GFPT2: variants seen among roughly 807,000 people sequenced by gnomAD.
GFPT2 encodes glutamine--fructose-6-phosphate aminotransferase [isomerizing] 2.
GFPT2 carries 62 observed loss-of-function variants against 85.6 expected under a neutral mutation model. The observed-to-expected ratio is 0.72, with a 90% CI of 0.59 to 0.90. GFPT2 has a LOEUF of 0.90. GFPT2 is among the 40% of genes least tolerant of loss of function. GFPT2 has a pLI of 0.00. For missense variants in GFPT2, 788 were observed against 893.4 expected, an observed-to-expected ratio of 0.88 and a Z score of 1.50; for synonymous variants, 368 against 344.5, an observed-to-expected ratio of 1.07 and a Z score of -0.75.
chr5:180,311,201 T>TA (rs147684246), intron 15 of GFPT2, among the ~76,000 whole-genome samples: 57 of 152,290 alleles, frequency 3.7e-4, no homozygotes, highest in East Asian at 3.5e-3. Flanking sequence ...AGAAGCCCCA[T>TA]GATGTCCTGT....
intron 2 of GFPT2, among the ~76,000 whole-genome samples, chr5:180,337,299 A>T (rs1486782761): frequency 6.6e-6 from 1 of 152,116 alleles, no homozygotes; most frequent in Non-Finnish European, 1.5e-5. Flanking sequence ...CTAAAAGTAC[A>T]AAAATTAGCA....
intron 10 of GFPT2, among the ~76,000 whole-genome samples, chr5:180,317,790 C>A (rs796934336): frequency 3.8e-4 from 57 of 151,370 alleles, no homozygotes; most frequent in African/African-American, 1.3e-3. Flanking sequence ...TTTCCAGCCA[C>A]ACAGGCATTT....
At chr5:180,307,658 C>T (rs1439272013) in intron 15 of GFPT2, among the ~76,000 whole-genome samples, 1 of 152,212 alleles carries the variant, frequency 6.6e-6, no homozygotes, top group African/African-American at 2.4e-5. Context: ...CCTGCTGTGT[C>T]TCAAGACAAG....
At position 180,338,747 on chromosome 5, in the gene GFPT2, A is replaced by G. The variant is rs140374863; in HGVS notation, c.8-147T>C. On this transcript the variant is annotated intron_variant, in intron 1 of 18. Transcript: ENST00000253778. ...GTATGCCCCTCCCTGAGCACAGCTG[A>G]AGAACGGTGCACCCCTTCTTCCTCC... is the stretch of plus-strand genomic sequence containing the variant. 319 of 586,220 alleles carry G rather than the reference A, an allele frequency of 5.4e-4. No homozygotes were observed. The African/African-American group carries it at 5.6e-3, about 10-fold the overall frequency. 36.3% of individuals were successfully genotyped at this position (586,220 alleles called of 1,614,324 possible).
chr5:180,330,119 G>A lies in GFPT2; in HGVS notation c.534+581C>T, dbSNP rs1429959272. Among the ~76,000 whole-genome samples the A allele has an allele frequency of 2.0e-5, 3 of 152,148 alleles. No homozygotes were observed. Among genetic ancestry groups the A allele is most frequent in the South Asian group, 2.1e-4 (1 of 4,832 alleles). ...GTGGATCACTTAAAGTCAGGAGTTC[G>A]AGACCAGCCTGGTCAACATAGTGAA... On this transcript the variant is annotated intron_variant, in intron 6 of 18. Transcript: ENST00000253778. The surrounding 1 kb of genome is among the most constrained non-coding windows in gnomAD (Gnocchi z 4.4).
intron 1 of GFPT2, among the ~76,000 whole-genome samples, chr5:180,351,491 CTT>C (rs568908829): frequency 1.7e-4 from 26 of 152,182 alleles, no homozygotes; most frequent in Admixed American, 8.5e-4. Flanking sequence ...AGCACGCACT[CTT>C]TGATTCTGGC....
Position 180,302,463 on chromosome 5 carries a change from T to A in GFPT2, c.1964A>T (p.Gln655Leu). ...LQGILSVIPLQLLSFHLAVLR... is the reference protein window; with the variant it reads ...LQGILSVIPLLLLSFHLAVLR... ...AACAGCCAGGTGGAAGGACAGCAGC[T>A]GCAGCGGAATCACGCTCAGGATGCC... Residue 655 changes from glutamine (Q) to leucine (L), a missense_variant, in exon 18 of 19, where the codon CAG becomes CTG. Gln to Leu is a moderately radical substitution (Grantham distance 113). Transcript: ENST00000253778. 6.2e-7 allele frequency: 1 copy of A among 1,614,154 alleles called. No homozygotes were observed. The highest frequency in any genetic ancestry group is 8.5e-7 in the Non-Finnish European group (1 of 1,179,994).
intron 4 of GFPT2, among the ~76,000 whole-genome samples, chr5:180,334,253 G>A (rs1279644597): frequency 6.6e-6 from 1 of 152,208 alleles, no homozygotes; most frequent in East Asian, 1.9e-4. Flanking sequence ...AAGCTGCTCT[G>A]CTGAGCAGGG....
At chr5:180,313,555 A>C (rs1264153873) in intron 14 of GFPT2, among the ~76,000 whole-genome samples, 6 of 151,726 alleles carry the variant, frequency 4.0e-5, no homozygotes, top group East Asian at 3.9e-4. Context: ...GCGCCCCTGC[A>C]CTCCAGCCTG....
intron 14 of GFPT2, among the ~76,000 whole-genome samples, chr5:180,313,098 C>T (rs73349651): frequency 0.023 from 3,495 of 151,576 alleles, 143 homozygotes; most frequent in African/African-American, 0.079. Flanking sequence ...TTTGAAGGGA[C>T]GGGGTTGCCC....
chr5:180,336,122 G>A, intron 3 of GFPT2, 169 bp from the exon 4 acceptor site: 1 of 603,936 alleles, frequency 1.7e-6, no homozygotes, highest in Middle Eastern at 4.0e-4. Flanking sequence ...CCGTGCTGAA[G>A]GTTATTTACT....
Position 180,312,033 on chromosome 5 carries a change from G to A in GFPT2, c.1546+397C>T, listed in dbSNP as rs1274721104. Among the ~76,000 whole-genome samples the A allele has an allele frequency of 4.0e-4, 39 of 96,930 alleles. 3 individuals are homozygous for A. Among genetic ancestry groups the A allele is most frequent in the African/African-American group, 1.3e-3 (34 of 26,330 alleles). 63.6% of individuals were successfully genotyped at this position (96,930 alleles called of 152,430 possible). A position where few individuals can be genotyped will look rare whatever the true frequency, so the allele number is the denominator to read the frequency against. ...GGGCAGGGAGGCAGGGAGGCGGGGA[G>A]GTGGGGAGGCTGAGGGGCAGGGAGG... On this transcript the variant is annotated intron_variant, in intron 15 of 18. Coordinates refer to ENST00000253778, the MANE Select transcript of GFPT2 (RefSeq NM_005110.4).
chr5:180,316,359 A>G lies in GFPT2; in HGVS notation c.1255T>C (p.Phe419Leu). The change falls in exon 13 of 19, where the codon TTT (phenylalanine) becomes CTT (leucine). Residue 419 changes from phenylalanine to leucine, a missense_variant. Transcript: ENST00000253778. The stretch of plus-strand genomic sequence containing the variant: ...CCCTTACCTGACTGGCTGATGAAAA[A>G]GCAAACGTCATCCCTGAACACAGGT... ...NTPVFRDDVC[F>L]FISQSGETAD... 1 of 1,614,156 alleles carries G rather than the reference A, an allele frequency of 6.2e-7. No individual in the cohort carries two copies. Among genetic ancestry groups the G allele is most frequent in the Non-Finnish European group, 8.5e-7 (1 of 1,179,988 alleles).
rs142098869 is a variant in GFPT2, at chr5:180,338,900, C to T, written c.8-300G>A. ...GTGGCAATGTCCATAATAGAAAAGG[C>T]AGCAATGAAATCCAACCGCCTTAGG... On this transcript the variant is annotated intron_variant, in intron 1 of 18. Coordinates refer to ENST00000253778, the MANE Select transcript of GFPT2 (RefSeq NM_005110.4). 4.3e-3 allele frequency among the ~76,000 whole-genome samples: 662 copies of T among 152,316 alleles called. 16 individuals carry two copies. The South Asian group carries it at 0.045, about 10-fold the overall frequency.
At position 180,353,308 on chromosome 5, in the gene GFPT2, GGGCTCCGT is replaced by G; in HGVS notation, c.-99_-92del. 1.0e-6 allele frequency: 1 copy of G among 980,500 alleles called. No homozygotes were observed. Among genetic ancestry groups the G allele is most frequent in the African/African-American group, 1.7e-5 (1 of 59,014 alleles). The allele number at this position is 980,500 out of a possible 1,614,324, so 60.7% of individuals were successfully genotyped here. A position where few individuals can be genotyped will look rare whatever the true frequency, so the allele number is the denominator to read the frequency against. ...CCGTGGGCTCCTCCGTGGGCTCCGT[GGGCTCCGT>G]GGGCTCCGCGGGCTCCAGCTCCCGT... On this transcript the variant is annotated 5_prime_UTR_variant, in exon 1 of 19. Coordinates refer to ENST00000253778, the MANE Select transcript of GFPT2 (RefSeq NM_005110.4).
intron 4 of GFPT2, among the ~76,000 whole-genome samples, chr5:180,334,535 G>T (rs1764362475): frequency 6.6e-6 from 1 of 152,198 alleles, no homozygotes; most frequent in Admixed American, 6.5e-5. Context: ...AAGTGTCAAG[G>T]CTTAGTGCCT....
intron 1 of GFPT2, among the ~76,000 whole-genome samples, chr5:180,344,414 T>C (rs980274111): frequency 6.6e-6 from 1 of 152,160 alleles, no homozygotes; most frequent in African/African-American, 2.4e-5. Context: ...GATGAGTACA[T>C]CACCATTATC....
At chr5:180,350,833 C>T (rs923560450) in intron 1 of GFPT2, among the ~76,000 whole-genome samples, 1 of 152,126 alleles carries the variant, frequency 6.6e-6, no homozygotes, top group Non-Finnish European at 1.5e-5. Context: ...AGAGAAGCAG[C>T]AGGATAAAGG....
chr5:180,348,015 A>G (rs4700736), intron 1 of GFPT2, among the ~76,000 whole-genome samples: 35,949 of 151,984 alleles, frequency 0.24, 4,344 homozygotes, highest in Middle Eastern at 0.3. Context: ...AGGCCCAGCC[A>G]GTGCTCCACA....
Sources: gnomAD v4.1 joint callset for allele counts (sites outside exome capture counted in the v4.1 genomes callset) on GRCh38, gnomAD v4.1.1 for gene constraint, Gnocchi (gnomAD v3.1) non-coding constraint, MANE v1.5 for transcripts, NCBI Gene and HGNC (gene_info 2026-07-23, HGNC 2026-07-21) for gene names.